The following CD226 variants were observed in gnomAD, a reference collection of about 807,000 sequenced individuals.
CD226 encodes the protein CD226 antigen.
A neutral mutation model predicts 34.9 loss-of-function variants in CD226; 24 were observed. The ratio of observed to expected loss-of-function variants is 0.69; its 90% CI spans 0.50 to 0.97. The LOEUF is 0.97. Ranked by LOEUF, CD226 falls within the 50% of genes least tolerant of loss-of-function variation. The pLI, the probability that CD226 is intolerant of heterozygous loss-of-function variation, is 0.00. For missense variants in CD226, 397 were observed against 412.7 expected, an observed-to-expected ratio of 0.96 and a Z score of 0.33; for synonymous variants, 148 against 147.4, an observed-to-expected ratio of 1.00 and a Z score of -0.03.
chr18:69,897,178 C>A (rs1985349264), intron 2 of CD226, among the ~76,000 whole-genome samples: 1 of 152,110 alleles, frequency 6.6e-6, no homozygotes, highest in Non-Finnish European at 1.5e-5. Context: ...CTTGAAAATT[C>A]TTGTGTTTTA....
chr18:69,865,599 ACCAATTTATTT>A (rs1350636161), intron 5 of CD226, among the ~76,000 whole-genome samples: 1 of 152,194 alleles, frequency 6.6e-6, no homozygotes, highest in African/African-American at 2.4e-5. Context: ...ATGACAGAGC[ACCAATTTATTT>A]CTTGCTGAAG....
At chr18:69,876,827 C>T (rs1477175244) in intron 3 of CD226, among the ~76,000 whole-genome samples, 4 of 150,242 alleles carry the variant, frequency 2.7e-5, no homozygotes, top group African/African-American at 9.8e-5. Flanking sequence ...GCCCTTCAGA[C>T]ACCAATTGCA....
chr18:69,949,122 GAC>G (rs974781542), upstream of CD226, among the ~76,000 whole-genome samples: 1 of 152,118 alleles, frequency 6.6e-6, no homozygotes, highest in Non-Finnish European at 1.5e-5. Flanking sequence ...TGACCTGAGT[GAC>G]ACACATAAAG....
chr18:69,898,405 C>T (rs1055758080), intron 2 of CD226, among the ~76,000 whole-genome samples: 1 of 152,124 alleles, frequency 6.6e-6, no homozygotes, highest in African/African-American at 2.4e-5. Flanking sequence ...GCTGTCAGGC[C>T]CCCGTGAACC....
At chr18:69,893,904 A>C (rs1186209000) in intron 3 of CD226, among the ~76,000 whole-genome samples, 1 of 152,274 alleles carries the variant, frequency 6.6e-6, no homozygotes, top group Non-Finnish European at 1.5e-5. Flanking sequence ...TTCTGTTTAT[A>C]CAAGACCTTT....
At chr18:69,924,227 G>A (rs998586130) in intron 2 of CD226, among the ~76,000 whole-genome samples, 5 of 151,888 alleles carry the variant, frequency 3.3e-5, no homozygotes, top group East Asian at 1.9e-4. Flanking sequence ...TATCTGCATC[G>A]TATCTTGAAT....
intron 2 of CD226, among the ~76,000 whole-genome samples, chr18:69,918,618 G>C (rs1311575337): frequency 6.6e-6 from 1 of 152,124 alleles, no homozygotes; most frequent in Admixed American, 6.5e-5. Flanking sequence ...CTCAGGCATG[G>C]TCTCGGTCCT....
intron 3 of CD226, among the ~76,000 whole-genome samples, chr18:69,880,352 GAAAGA>G (rs1568164955): frequency 0.014 from 1,551 of 111,936 alleles, 38 homozygotes; most frequent in African/African-American, 0.04. Context: ...AAGAAAGAAA[GAAAGA>G]AAGGAAGGAA....
chr18:69,874,352 T>C (rs1790942), intron 3 of CD226, among the ~76,000 whole-genome samples: 21,887 of 152,170 alleles, frequency 0.14, 2,257 homozygotes, highest in African/African-American at 0.29. Flanking sequence ...CCTCTCACCC[T>C]TCAACCCACA....
intron 2 of CD226, among the ~76,000 whole-genome samples, chr18:69,905,793 GA>G (rs1352394625): frequency 2.6e-5 from 4 of 152,156 alleles, no homozygotes; most frequent in African/African-American, 9.7e-5. Flanking sequence ...AGAGCCTGTA[GA>G]AATTCCCCAC....
chr18:69,918,291 G>A (rs534441517), intron 2 of CD226, among the ~76,000 whole-genome samples: 5 of 152,274 alleles, frequency 3.3e-5, no homozygotes, highest in Non-Finnish European at 7.4e-5. Context: ...GGTGGCTCAC[G>A]CCTGTAATCC....
chr18:69,880,349 AAAGAAAGAAAGG>A (rs879396702), intron 3 of CD226, among the ~76,000 whole-genome samples: 2,327 of 80,196 alleles, frequency 0.029, 20 homozygotes, highest in Non-Finnish European at 0.043. Context: ...AGAAAGAAAG[AAAGAAAGAAAGG>A]AAGGAAGGAA....
At chr18:69,866,139 A>G (rs1983128235) in intron 5 of CD226, among the ~76,000 whole-genome samples, 1 of 152,238 alleles carries the variant, frequency 6.6e-6, no homozygotes, top group South Asian at 2.1e-4. Context: ...TGTCCTTAAA[A>G]AGGCACTGAT....
At chr18:69,924,094 A>G (rs1446674734) in intron 2 of CD226, among the ~76,000 whole-genome samples, 4 of 152,210 alleles carry the variant, frequency 2.6e-5, no homozygotes, top group Admixed American at 6.5e-5. Context: ...ACACTTTACA[A>G]GGGAGAAACG....
intron 2 of CD226, chr18:69,944,703 A>C (rs1482836358): frequency 6.6e-6 from 1 of 152,220 alleles, no homozygotes; most frequent in African/African-American, 2.4e-5. Flanking sequence ...TCTATGTTAA[A>C]AGCTTTGCCA....
chr18:69,918,355 C>T (rs577602795), intron 2 of CD226, among the ~76,000 whole-genome samples: 24 of 152,182 alleles, frequency 1.6e-4, no homozygotes, highest in Non-Finnish European at 2.4e-4. Flanking sequence ...GAGTTTGAGA[C>T]CAGCCTGGCC....
intron 2 of CD226, 151 bp from the exon 3 acceptor site, chr18:69,896,196 T>TC (rs1309279031): frequency 9.3e-6 from 13 of 1,393,176 alleles, no homozygotes; most frequent in South Asian, 4.7e-5. Flanking sequence ...TTTTTTTTTT[T>TC]CCTGAGACGG....
intron 1 of CD226, among the ~76,000 whole-genome samples, chr18:69,955,552 A>G (rs1207364528): frequency 1.3e-5 from 2 of 152,120 alleles, no homozygotes; most frequent in Non-Finnish European, 2.9e-5. Flanking sequence ...CCAGCTGTTA[A>G]GAGGCTCATA....
chr18:69,922,500 C>T (rs568315614), intron 2 of CD226, among the ~76,000 whole-genome samples: 1 of 152,180 alleles, frequency 6.6e-6, no homozygotes, highest in Non-Finnish European at 1.5e-5. Flanking sequence ...AGGCTGGTTT[C>T]AAACTCCTAG....
Sources: allele counts gnomAD v4.1 joint callset (sites outside exome capture counted in the v4.1 genomes callset), GRCh38; gene constraint gnomAD v4.1.1; transcripts MANE v1.5; gene names NCBI Gene and HGNC (gene_info 2026-07-23, HGNC 2026-07-21).